CEACAM20: variants seen among roughly 807,000 people sequenced by gnomAD.
The protein encoded by CEACAM20 is CEA cell adhesion molecule 20, also known as cell adhesion molecule CEACAM20.
Under a neutral mutation model 61.2 loss-of-function variants are expected in CEACAM20, and 50 were observed. The observed-to-expected ratio is 0.82, with a 90% CI of 0.65 to 1.03. CEACAM20 has a LOEUF of 1.03. CEACAM20 is among the 50% of genes least tolerant of loss of function. CEACAM20 has a pLI of 0.00. For missense variants in CEACAM20, 683 were observed against 736.4 expected (o/e 0.93, Z 0.84); for synonymous variants, 282 against 287.7 (o/e 0.98, Z 0.20).
Position 44,528,363 on chromosome 19 carries a change from G to A in CEACAM20, c.52+1095C>T, listed in dbSNP as rs572738726. Among the ~76,000 whole-genome samples, 85 of 152,042 alleles carry A rather than the reference G, an allele frequency of 5.6e-4. No homozygotes were observed. In the South Asian group the frequency reaches 6.0e-3, roughly 11 times the overall value. ...CTGCCTCAGCCTCCCGAGTAGCTGG[G>A]ATTACAGGTGCCCGCCACCACACTC... On this transcript the variant is annotated intron_variant, in intron 1 of 11. Coordinates refer to ENST00000614924, the MANE Select transcript of CEACAM20 (RefSeq NM_001102597.3).
intron 6 of CEACAM20, among the ~76,000 whole-genome samples, chr19:44,514,476 T>G (rs933810464): frequency 4.0e-5 from 6 of 150,102 alleles, no homozygotes; most frequent in Non-Finnish European, 8.9e-5. Context: ...TGAGATGGAG[T>G]CTCACTCTGT....
rs1311678557 is a variant in CEACAM20, at chr19:44,529,535, G to A, written c.-26C>T. 6.2e-7 allele frequency: 1 copy of A among 1,612,770 alleles called. No individual in the cohort carries two copies. The highest frequency in any genetic ancestry group is 2.2e-5 in the East Asian group (1 of 44,842). On this transcript the variant is annotated 5_prime_UTR_variant, in exon 1 of 12. Transcript: ENST00000614924. ...GGGTCCCGGCACCTGACTTCAGTGTGCCAGGCCGTCTGTCGCCCCGGCTTG... is the reference window on the plus strand; with the variant it reads ...GGGTCCCGGCACCTGACTTCAGTGTACCAGGCCGTCTGTCGCCCCGGCTTG...
chr19:44,513,150 C>A (rs1971053878), intron 7 of CEACAM20, 22 bp downstream of exon 7: 3 of 1,577,590 alleles, frequency 1.9e-6, no homozygotes, highest in Non-Finnish European at 2.6e-6. Context: ...TCCCCATCCC[C>A]CTCCCTGTAT....
At chr19:44,527,438 C>A (rs1457534255) in intron 1 of CEACAM20, among the ~76,000 whole-genome samples, 1 of 152,142 alleles carries the variant, frequency 6.6e-6, no homozygotes, top group Non-Finnish European at 1.5e-5. Flanking sequence ...CCTATCTGAG[C>A]CTCAGTTTCC....
chr19:44,520,785 A>T (rs753070558), intron 4 of CEACAM20, 33 bp from the exon 5 acceptor site: 2 of 1,593,482 alleles, frequency 1.3e-6, no homozygotes, highest in Non-Finnish European at 1.7e-6. Flanking sequence ...AGTCAGGTTC[A>T]GGGAGATTTC....
At chr19:44,519,993 G>C (rs183884889) in intron 5 of CEACAM20, among the ~76,000 whole-genome samples, 1 of 152,106 alleles carries the variant, frequency 6.6e-6, no homozygotes, top group Non-Finnish European at 1.5e-5. Context: ...CCTGTCACTC[G>C]GGGTCACACT....
intron 4 of CEACAM20, 95 bp from the exon 5 acceptor site, chr19:44,520,847 T>G: frequency 1.2e-5 from 1 of 85,836 alleles, no homozygotes; most frequent in Non-Finnish European, 1.5e-5. Flanking sequence ...AGTGCGTGCG[T>G]GTGTGTGTGT....
rs544540077 is a variant in CEACAM20, at chr19:44,520,494, G to A, written c.1010C>T (p.Pro337Leu). The A allele has an allele frequency of 6.2e-7, 1 of 1,613,232 alleles. No homozygotes were observed. Among genetic ancestry groups the A allele is most frequent in the African/African-American group, 1.3e-5 (1 of 75,048 alleles). ...CTCACAGTTGATGGTCAGCTCAAGG[G>A]GCTCACTCCGGGCCCGGCTGCCCCA... ...WNWGSRARSEPLELTINYGPD... is the reference protein window; with the variant it reads ...WNWGSRARSELLELTINYGPD... The change falls in exon 5 of 12, where the codon CCC becomes CTC. Residue 337 changes from proline (P) to leucine (L), a missense_variant. Transcript: ENST00000614924.
At position 44,520,730 on chromosome 19, in the gene CEACAM20, G is replaced by T. The variant is rs201619802; in HGVS notation, c.774C>A (p.Val258=). 6.2e-7 allele frequency: 1 copy of T among 1,613,500 alleles called. No individual in the cohort carries two copies. ...CCACAAGGTTCAGGCTTGAAGGCACGACTTGAGGCATGGTCAGTGTTTCTG... is the reference window on the plus strand; with the variant it reads ...CCACAAGGTTCAGGCTTGAAGGCACTACTTGAGGCATGGTCAGTGTTTCTG... The part of the protein sequence containing the change: ...RVLETLTMPQ[V]VPSSLNLVEN... The change falls in exon 5 of 12, where the codon GTC becomes GTA. Residue 258 remains valine, a synonymous_variant. Transcript: ENST00000614924.
In CEACAM20 at chr19:44,518,103, AAAGG is replaced by A. The variant is rs761841554; in HGVS notation, c.1031-883_1031-880del. Among the ~76,000 whole-genome samples the A allele has an allele frequency of 8.3e-3, 357 of 42,782 alleles. 2 individuals are homozygous for A. The highest frequency in any genetic ancestry group is 0.025 in the South Asian group (25 of 1,006). The allele number at this position is 42,782 out of a possible 152,430, so 28.1% of individuals were successfully genotyped here. Reference sequence around the variant, plus strand: ...AGAGGAAAGAAAGAAAGAAAGAAAGAAAGGAAGGAAGGAAGGAAGGAAGGAAGGA... The same window carrying A: ...AGAGGAAAGAAAGAAAGAAAGAAAGAAAGGAAGGAAGGAAGGAAGGAAGGA... On this transcript the variant is annotated intron_variant, in intron 5 of 11. Transcript: ENST00000614924.
At chr19:44,518,173 A>AGAAAGCAG (rs1971247080) in intron 5 of CEACAM20, among the ~76,000 whole-genome samples, 1 of 138,822 alleles carries the variant, frequency 7.2e-6, no homozygotes, top group Admixed American at 7.2e-5. Context: ...GAAGGAAGAA[A>AGAAAGCAG]GCAGGCAGGC....
chr19:44,528,989 T>C (rs113469979), intron 1 of CEACAM20, among the ~76,000 whole-genome samples: 4,731 of 141,346 alleles, frequency 0.033, 322 homozygotes, highest in African/African-American at 0.12. Context: ...GACAGGGTCT[T>C]GCTGTGTCAC....
Position 44,520,687 on chromosome 19 carries a change from C to A in CEACAM20, c.817G>T (p.Asp273Tyr). The part of the protein sequence containing the change: ...LNLVENARSV[D>Y]LTCQTVNQSV... ...TGATTGACGGTTTGGCAGGTCAGGT[C>A]CACAGACCTAGCATTCTCCACAAGG... The change falls in exon 5 of 12, where the codon GAC (aspartate) becomes TAC (tyrosine). Residue 273 changes from aspartate (D) to tyrosine (Y), a missense_variant. Asp to Tyr is a radical substitution (Grantham distance 160). Transcript: ENST00000614924. 6.2e-7 allele frequency: 1 copy of A among 1,613,998 alleles called. No homozygotes were observed. The highest frequency in any genetic ancestry group is 8.5e-7 in the Non-Finnish European group (1 of 1,179,890).
intron 1 of CEACAM20, among the ~76,000 whole-genome samples, chr19:44,528,304 C>T (rs1455755859): frequency 6.6e-6 from 1 of 151,840 alleles, no homozygotes; most frequent in African/African-American, 2.4e-5. Flanking sequence ...TCTCGGTTCA[C>T]TGCAACTTCT....
At chr19:44,525,073 A>T (rs781322059) in intron 2 of CEACAM20, 28 bp downstream of exon 2, 9 of 1,605,342 alleles carry the variant, frequency 5.6e-6, no homozygotes. Flanking sequence ...CAGAGATCAG[A>T]ATGACCGTCT....
At chr19:44,517,700 A>G (rs966256509) in intron 5 of CEACAM20, among the ~76,000 whole-genome samples, 15 of 150,690 alleles carry the variant, frequency 1.0e-4, no homozygotes, top group Non-Finnish European at 1.2e-4. Context: ...CCATCTCAAA[A>G]AAAAAAAAAA....
rs1268099201 is a variant in CEACAM20 at position 44,525,107 on chromosome 19, A to T, written c.190T>A (p.Ser64Thr). The T allele has an allele frequency of 1.2e-6, 2 of 1,611,068 alleles. No homozygotes were observed. The highest frequency in any genetic ancestry group is 2.2e-5 in the South Asian group (2 of 90,456). The change falls in exon 2 of 12, where the codon TCC becomes ACC. Residue 64 changes from serine to threonine, a missense_variant. Physicochemically the swap from Ser to Thr is moderately conservative, Grantham distance 58 (BLOSUM62 1). Coordinates refer to ENST00000614924, the MANE Select transcript of CEACAM20 (RefSeq NM_001102597.3). ...TPRTPQIHGR[S>T]RELAKPSIAV... ...CTTGTTTTCTGGCCCCTACCTCTGG[A>T]TCTGCCATGAATCTGGGGTGTCCTG...
Position 44,525,100 on chromosome 19 carries a change from C to A in CEACAM20, c.196+1G>T. ...TGACCGTCTTGTTTTCTGGCCCCTACCTCTGGATCTGCCATGAATCTGGGG... is the reference window on the plus strand; with the variant it reads ...TGACCGTCTTGTTTTCTGGCCCCTAACTCTGGATCTGCCATGAATCTGGGG... On this transcript the variant is annotated splice_donor_variant, in intron 2 of 11. Coordinates refer to ENST00000614924, the MANE Select transcript of CEACAM20 (RefSeq NM_001102597.3). LOFTEE classifies it high-confidence loss of function. 6.2e-7 allele frequency: 1 copy of A among 1,610,936 alleles called. No individual in the cohort carries two copies. Among genetic ancestry groups the A allele is most frequent in the South Asian group, 1.1e-5 (1 of 90,436 alleles).
rs780732451 is a variant in CEACAM20 at position 44,517,154 on chromosome 19, G to A, written c.1101C>T (p.Leu367=). 6.2e-7 allele frequency: 1 copy of A among 1,613,374 alleles called. No homozygotes were observed. Among genetic ancestry groups the A allele is most frequent in the African/African-American group, 1.3e-5 (1 of 75,006 alleles). The change falls in exon 6 of 12, where the codon CTC becomes CTT. Residue 367 remains leucine (L), a synonymous_variant. Transcript: ENST00000614924. ...AACACTGCAGGGTCAGGCTGGAGTT[G>A]AGCTCTGCCTCTATGGTGCTGATCA... is the stretch of plus-strand genomic sequence containing the variant. ...SEMISTIEAE[L]NSSLTLQCWA... is the part of the protein sequence containing the mutation.
Sources: allele counts gnomAD v4.1 joint callset (sites outside exome capture counted in the v4.1 genomes callset), GRCh38; gene constraint gnomAD v4.1.1; transcripts MANE v1.5; gene names NCBI Gene and HGNC (gene_info 2026-07-23, HGNC 2026-07-21).